MLKL: variants seen among roughly 807,000 people sequenced by gnomAD.
MLKL encodes the protein mixed lineage kinase domain-like protein.
A neutral mutation model predicts 56.5 loss-of-function variants in MLKL; 55 were observed. The observed-to-expected ratio is 0.97, with a 90% CI of 0.78 to 1.22. The LOEUF (loss-of-function observed/expected upper bound fraction) is 1.22. Ranked by LOEUF, MLKL falls within the 50% of genes most tolerant of loss-of-function variation. The probability of loss-of-function intolerance (pLI) is 0.00; values close to 1 mark genes in which losing one functional copy is unlikely to be tolerated. For missense variants in MLKL, 694 were observed against 573.9 expected (o/e 1.21, Z -2.14); for synonymous variants, 251 against 208.3 (o/e 1.20, Z -1.76).
At chr16:74,675,191 C>G (rs2144443512) in intron 9 of MLKL, 91 bp from the exon 10 acceptor site, 1 of 1,567,018 alleles carries the variant, frequency 6.4e-7, no homozygotes, top group East Asian at 2.2e-5. Context: ...ACTAGGGACT[C>G]TGAGTATGGA....
At chr16:74,683,029 G>C (rs1193241764) in intron 5 of MLKL, among the ~76,000 whole-genome samples, 1 of 151,984 alleles carries the variant, frequency 6.6e-6, no homozygotes, top group South Asian at 2.1e-4. Context: ...AAAAAAAATT[G>C]GCTGGGTGCG....
chr16:74,683,612 T>A (rs1187228000), intron 5 of MLKL, among the ~76,000 whole-genome samples: 1 of 148,382 alleles, frequency 6.7e-6, no homozygotes, highest in African/African-American at 2.5e-5. Context: ...AAAAAAAAAA[T>A]TCTTTTTCTT....
intron 7 of MLKL, among the ~76,000 whole-genome samples, 172 bp downstream of exon 7, chr16:74,678,727 G>A (rs886780038): frequency 6.6e-6 from 1 of 152,186 alleles, no homozygotes; most frequent in Non-Finnish European, 1.5e-5. Flanking sequence ...AGGTTGCAGC[G>A]GGGCGATCTC....
intron 1 of MLKL, among the ~76,000 whole-genome samples, chr16:74,699,897 G>A (rs757040836): frequency 3.3e-5 from 5 of 152,014 alleles, no homozygotes; most frequent in Non-Finnish European, 5.9e-5. Context: ...AGCTATGATT[G>A]TGCCACTGCG....
chr16:74,695,150 G>A, intron 2 of MLKL, 148 bp downstream of exon 2: 1 of 823,378 alleles, frequency 1.2e-6, no homozygotes, highest in Non-Finnish European at 1.9e-6. Flanking sequence ...GGGATTACAG[G>A]CGAGAGCCAT....
Position 74,675,770 on chromosome 16 carries a change from T to A in MLKL, c.1039-6A>T, listed in dbSNP as rs376854278. 1 of 1,613,186 alleles carries A rather than the reference T, an allele frequency of 6.2e-7. No homozygotes were observed. The highest frequency in any genetic ancestry group is 8.5e-7 in the Non-Finnish European group (1 of 1,179,712). ...CTCAACTCAAATCCTGCAAGCTAGA[T>A]AGAGAGGCAACTTAGAAAGAAACAA... On this transcript the variant is annotated splice_polypyrimidine_tract_variant and splice_region_variant and intron_variant, in intron 7 of 10. Transcript: ENST00000308807.
intron 2 of MLKL, 24 bp downstream of exon 2, chr16:74,695,274 C>G (rs760450909): frequency 2.5e-6 from 4 of 1,607,384 alleles, no homozygotes; most frequent in Non-Finnish European, 3.4e-6. Flanking sequence ...TGCACTCCCA[C>G]TCCCCACCAA....
chr16:74,686,100 C>T (rs1262430931), intron 4 of MLKL, among the ~76,000 whole-genome samples: 1 of 152,082 alleles, frequency 6.6e-6, no homozygotes, highest in South Asian at 2.1e-4. Flanking sequence ...GCTGGAACTA[C>T]AGGTGCGTGC....
At chr16:74,682,061 C>T (rs1055070079) in intron 6 of MLKL, among the ~76,000 whole-genome samples, 23 of 151,218 alleles carry the variant, frequency 1.5e-4, no homozygotes, top group African/African-American at 5.3e-4. Context: ...GCCTAGGCAG[C>T]ATGGCAAAAC....
intron 2 of MLKL, among the ~76,000 whole-genome samples, chr16:74,694,187 C>A (rs1960877259): frequency 6.6e-6 from 1 of 152,118 alleles, no homozygotes. Flanking sequence ...ACTTAAATCT[C>A]CAGAAGGGTA....
chr16:74,691,500 T>A, intron 3 of MLKL, 37 bp from the exon 4 acceptor site: 1 of 1,587,096 alleles, frequency 6.3e-7, no homozygotes, highest in Non-Finnish European at 8.5e-7. Flanking sequence ...GACAAAAGAG[T>A]CAATGAGCAG....
chr16:74,684,707 G>T (rs1032643322), intron 5 of MLKL, among the ~76,000 whole-genome samples: 1 of 151,832 alleles, frequency 6.6e-6, no homozygotes, highest in Non-Finnish European at 1.5e-5. Flanking sequence ...TGTTGGCCAG[G>T]ACGGTCTCAA....
At chr16:74,675,152 C>A in intron 9 of MLKL, 52 bp from the exon 10 acceptor site, 2 of 1,604,116 alleles carry the variant, frequency 1.2e-6, no homozygotes. Context: ...ACTCGTACAT[C>A]TCTCTGGATG....
Position 74,682,668 on chromosome 16 carries a change from T to G in MLKL, c.939A>C (p.Ala313=). ...LGKRMVLVLG[A]ARGLYRLHHS... ...CGTCTTACCGGTATAGGCCTCGGGCTGCCCCCAGGACTAGGACCATGCGCT... is the reference window on the plus strand; with the variant it reads ...CGTCTTACCGGTATAGGCCTCGGGCGGCCCCCAGGACTAGGACCATGCGCT... The change falls in exon 6 of 11, where the codon GCA becomes GCC. Residue 313 remains alanine (A), a synonymous_variant. Coordinates refer to ENST00000308807, the MANE Select transcript of MLKL (RefSeq NM_152649.4). 3.1e-6 allele frequency: 5 copies of G among 1,614,128 alleles called. No individual in the cohort carries two copies. The highest frequency in any genetic ancestry group is 4.2e-6 in the Non-Finnish European group (5 of 1,180,024).
At chr16:74,691,759 T>C (rs1960695463) in intron 3 of MLKL, among the ~76,000 whole-genome samples, 1 of 152,150 alleles carries the variant, frequency 6.6e-6, no homozygotes, top group Admixed American at 6.6e-5. Flanking sequence ...ATCTCTCTCA[T>C]CCTGGAAGGA....
In MLKL at chr16:74,675,106, A is replaced by G; in HGVS notation, c.1241-6T>C. The G allele has an allele frequency of 6.2e-7, 1 of 1,613,866 alleles. No individual in the cohort carries two copies. Among genetic ancestry groups the G allele is most frequent in the Non-Finnish European group, 8.5e-7 (1 of 1,179,908 alleles). On this transcript the variant is annotated splice_polypyrimidine_tract_variant and splice_region_variant and intron_variant, in intron 9 of 10. Coordinates refer to ENST00000308807, the MANE Select transcript of MLKL (RefSeq NM_152649.4). ...GATCTTCTCAGAATTACAGCCTGGA[A>G]ATGATAGCATGAGAGCCTCAAAAAA...
intron 4 of MLKL, among the ~76,000 whole-genome samples, chr16:74,690,307 T>C (rs1339834699): frequency 6.6e-6 from 1 of 152,178 alleles, no homozygotes; most frequent in East Asian, 1.9e-4. Context: ...AGTGTAGGCA[T>C]AGACACTGTT....
Position 74,682,641 on chromosome 16 carries a change from C to A in MLKL, c.956+10G>T. ...CCAACCCTTAGTGGCGCCTTTTCAC[C>A]CCGTCTTACCGGTATAGGCCTCGGG... On this transcript the variant is annotated intron_variant, in intron 6 of 10. Transcript: ENST00000308807. The A allele has an allele frequency of 6.2e-7, 1 of 1,613,370 alleles. No individual in the cohort carries two copies. The highest frequency in any genetic ancestry group is 8.5e-7 in the Non-Finnish European group (1 of 1,179,834).
In MLKL at chr16:74,675,390, A is replaced by G. The variant is rs1476464511; in HGVS notation, c.1205T>C (p.Leu402Pro). Reference protein sequence around the residue: ...KSEIYSFGIVLWEIATGDIPF... With the variant: ...KSEIYSFGIVPWEIATGDIPF... ...GATATCTCCAGTGGCGATTTCCCAG[A>G]GGACGATTCCAAAGCTAAAAGAAAA... The change falls in exon 9 of 11, where the codon CTC becomes CCC. Residue 402 changes from leucine (L) to proline (P), a missense_variant. Coordinates refer to ENST00000308807, the MANE Select transcript of MLKL (RefSeq NM_152649.4). 1.2e-6 allele frequency: 2 copies of G among 1,614,118 alleles called. No individual in the cohort carries two copies. The highest frequency in any genetic ancestry group is 1.7e-5 in the Admixed American group (1 of 60,026).
Sources: gnomAD v4.1 joint callset for allele counts (sites outside exome capture counted in the v4.1 genomes callset) on GRCh38, gnomAD v4.1.1 for gene constraint, MANE v1.5 for transcripts, NCBI Gene and HGNC (gene_info 2026-07-23, HGNC 2026-07-21) for gene names.